PCDHGB3: variants seen among roughly 807,000 people sequenced by gnomAD.
The protein encoded by PCDHGB3 is protocadherin gamma subfamily B, 3, also known as protocadherin gamma-B3.
In PCDHGB3, 40 loss-of-function variants were observed where a neutral mutation model predicts 59.2. The ratio of observed to expected loss-of-function variants is 0.68; its 90% CI spans 0.52 to 0.88. The LOEUF is 0.88. PCDHGB3 is among the 40% of genes least tolerant of loss of function. The probability of loss-of-function intolerance (pLI) is 0.00; values close to 1 mark genes in which losing one functional copy is unlikely to be tolerated. For synonymous variants in PCDHGB3, 581 were observed against 503.6 expected, an observed-to-expected ratio of 1.15 and a Z score of -2.06; for missense variants, 1,309 against 1,187.9, an observed-to-expected ratio of 1.10 and a Z score of -1.50.
At chr5:141,446,296 G>A (rs2098497546) in intron 1 of PCDHGB3, among the ~76,000 whole-genome samples, 1 of 152,160 alleles carries the variant, frequency 6.6e-6, no homozygotes, top group Non-Finnish European at 1.5e-5. Context: ...GGGGAGCAGG[G>A]ATTAAGAGTG....
At chr5:141,403,674 T>C in intron 1 of PCDHGB3, 2 of 1,613,812 alleles carry the variant, frequency 1.2e-6, no homozygotes, top group South Asian at 2.2e-5. Flanking sequence ...AATGCCCCGG[T>C]TTTTGCTCAA....
At chr5:141,503,023 A>AAT (rs2099817696) in intron 2 of PCDHGB3, among the ~76,000 whole-genome samples, 1 of 141,888 alleles carries the variant, frequency 7.0e-6, no homozygotes, top group African/African-American at 2.6e-5. Context: ...TTTTTTTTTT[A>AAT]ATATCTATTT....
intron 1 of PCDHGB3, among the ~76,000 whole-genome samples, chr5:141,483,094 G>C (rs1304382782): frequency 6.6e-6 from 1 of 152,058 alleles, no homozygotes; most frequent in African/African-American, 2.4e-5. Context: ...CAAAAAAAAA[G>C]TGTGCGTGTA....
intron 1 of PCDHGB3, among the ~76,000 whole-genome samples, chr5:141,443,560 G>A (rs2098394386): frequency 6.6e-6 from 1 of 152,162 alleles, no homozygotes; most frequent in Non-Finnish European, 1.5e-5. Context: ...CAATTCAAAT[G>A]CTTTAAATGG....
chr5:141,497,730 G>T (rs13182286), intron 2 of PCDHGB3, among the ~76,000 whole-genome samples: 247 of 152,136 alleles, frequency 1.6e-3, no homozygotes, highest in Non-Finnish European at 2.8e-3. Flanking sequence ...AGTAGAGATG[G>T]GTTTCGCCAC....
chr5:141,454,740 G>GAGGCC (rs2098797560), intron 1 of PCDHGB3, among the ~76,000 whole-genome samples: 1 of 147,160 alleles, frequency 6.8e-6, no homozygotes, highest in Non-Finnish European at 1.5e-5. Flanking sequence ...AGGATGAAAA[G>GAGGCC]AGGCCAAACT....
At position 141,491,744 on chromosome 5, in the gene PCDHGB3, C is replaced by T; in HGVS notation, c.2416-3063C>T. 6.3e-7 allele frequency: 1 copy of T among 1,592,720 alleles called. No individual in the cohort carries two copies. Among genetic ancestry groups the T allele is most frequent in the African/African-American group, 1.3e-5 (1 of 74,122 alleles). Reference sequence around the variant, plus strand: ...CCCCGGGCGACCCCTGGGGGCGGCACTGGAGAAGCCGCCCGTCCTCATAAG... The same window carrying T: ...CCCCGGGCGACCCCTGGGGGCGGCATTGGAGAAGCCGCCCGTCCTCATAAG... On this transcript the variant is annotated intron_variant, in intron 1 of 3. Transcript: ENST00000576222. The surrounding 1 kb of genome is among the most constrained non-coding windows in gnomAD (Gnocchi z 6.9).
chr5:141,388,373 T>TA (rs1239214460), intron 1 of PCDHGB3: 2 of 1,613,980 alleles, frequency 1.2e-6, no homozygotes, highest in African/African-American at 2.7e-5. Context: ...CGGATATTGG[T>TA]AGCAACACAC....
At chr5:141,419,227 C>G in intron 1 of PCDHGB3, 1 of 1,614,024 alleles carries the variant, frequency 6.2e-7, no homozygotes, top group South Asian at 1.1e-5. Flanking sequence ...GACAGTCAGC[C>G]TACCTGGTCC....
chr5:141,482,601 A>T (rs1158399317), intron 1 of PCDHGB3, among the ~76,000 whole-genome samples: 1 of 152,002 alleles, frequency 6.6e-6, no homozygotes, highest in Non-Finnish European at 1.5e-5. Flanking sequence ...ACGGGAAAAA[A>T]CACCTAAATG....
rs534356534 is a variant in PCDHGB3 at position 141,432,344 on chromosome 5, C to G, written c.2415+59535C>G. ...CGACTACGAGCAGTTCCGAGACTTG[C>G]AAGTGAAAGTGATGGCGCGGGACAA... is the stretch of plus-strand genomic sequence containing the variant. On this transcript the variant is annotated intron_variant, in intron 1 of 3. Coordinates refer to ENST00000576222, the MANE Select transcript of PCDHGB3 (RefSeq NM_018924.5). This position sits in a 1 kb window ranked among gnomAD's most constrained non-coding sequence, Gnocchi z 6.0. 1.9e-5 allele frequency: 30 copies of G among 1,614,238 alleles called. No individual in the cohort carries two copies. In the East Asian group the frequency reaches 2.5e-4, roughly 13 times the overall value.
Position 141,447,048 on chromosome 5 carries a change from A to G in PCDHGB3, c.2416-47759A>G, listed in dbSNP as rs149112101. Among the ~76,000 whole-genome samples, 216 of 152,182 alleles carry G rather than the reference A, an allele frequency of 1.4e-3. 1 individual carries two copies. Among genetic ancestry groups the G allele is most frequent in the African/African-American group, 4.8e-3 (198 of 41,512 alleles). On this transcript the variant is annotated intron_variant, in intron 1 of 3. Transcript: ENST00000576222. ...GTTTTTTTTCTGTGTCTGGAATTCT[A>G]TTAAAATGTGTCAGGCTGTTTTAAT...
rs1161188105 is a variant in PCDHGB3, at chr5:141,427,974, G to A, written c.2415+55165G>A. 9 of 1,594,458 alleles carry A rather than the reference G, an allele frequency of 5.6e-6. No individual in the cohort carries two copies. In the Admixed American group the frequency reaches 1.5e-4, roughly 27 times the overall value. ...CAATGTGCCGCGGGTGCTGTACCCC[G>A]CGCTGGGGCCCGATGGCTCCGCACT... On this transcript the variant is annotated intron_variant, in intron 1 of 3. Transcript: ENST00000576222.
intron 1 of PCDHGB3, among the ~76,000 whole-genome samples, chr5:141,462,897 G>A (rs2099049236): frequency 6.6e-6 from 1 of 152,130 alleles, no homozygotes; most frequent in South Asian, 2.1e-4. Context: ...TGTTTTGGAA[G>A]GCTATTATGT....
chr5:141,452,652 C>T (rs1420422511), intron 1 of PCDHGB3, among the ~76,000 whole-genome samples: 1 of 151,916 alleles, frequency 6.6e-6, no homozygotes. Flanking sequence ...TCATTTGCTC[C>T]ATCCACTGCA....
At position 141,431,359 on chromosome 5, in the gene PCDHGB3, G is replaced by C; in HGVS notation, c.2415+58550G>C. ...CCGAATTGGTGCTGAAACGCGCCCT[G>C]GACCGCGAAGAAAAGGCTGCTCACC... On this transcript the variant is annotated intron_variant, in intron 1 of 3. Coordinates refer to ENST00000576222, the MANE Select transcript of PCDHGB3 (RefSeq NM_018924.5). This position sits in a 1 kb window ranked among gnomAD's most constrained non-coding sequence, Gnocchi z 4.8. The C allele has an allele frequency of 6.2e-7, 1 of 1,614,024 alleles. No homozygotes were observed. Among genetic ancestry groups the C allele is most frequent in the Non-Finnish European group, 8.5e-7 (1 of 1,180,030 alleles).
chr5:141,484,709 C>G (rs1223957454), intron 1 of PCDHGB3, among the ~76,000 whole-genome samples: 1 of 151,072 alleles, frequency 6.6e-6, no homozygotes, highest in Non-Finnish European at 1.5e-5. Context: ...TTTTCCCCGC[C>G]GAAAAGGGGC....
intron 1 of PCDHGB3, chr5:141,394,860 G>T: frequency 1.2e-6 from 2 of 1,613,792 alleles, no homozygotes; most frequent in Non-Finnish European, 1.7e-6. Context: ...GCCTTCGGTC[G>T]ACCCGAACGA....
Position 141,511,617 on chromosome 5 carries a change from C to T in PCDHGB3, c.*444C>T, listed in dbSNP as rs1562253545. The T allele has an allele frequency of 4.3e-6, 1 of 233,232 alleles. No homozygotes were observed. Among genetic ancestry groups the T allele is most frequent in the African/African-American group, 2.2e-5 (1 of 45,220 alleles). The allele number at this position is 233,232 out of a possible 1,614,324, so 14.4% of individuals were successfully genotyped here. A position where few individuals can be genotyped will look rare whatever the true frequency, so the allele number is the denominator to read the frequency against. Reference sequence around the variant, plus strand: ...CAAGTAACCTACAAGCCTCCTAGTTCTGAAAAGTTGGAAGGGCATCATGAC... The same window carrying T: ...CAAGTAACCTACAAGCCTCCTAGTTTTGAAAAGTTGGAAGGGCATCATGAC... On this transcript the variant is annotated 3_prime_UTR_variant, in exon 4 of 4. Coordinates refer to ENST00000576222, the MANE Select transcript of PCDHGB3 (RefSeq NM_018924.5).
Sources: gnomAD v4.1 joint callset for allele counts (sites outside exome capture counted in the v4.1 genomes callset) on GRCh38, gnomAD v4.1.1 for gene constraint, Gnocchi (gnomAD v3.1) non-coding constraint, MANE v1.5 for transcripts, NCBI Gene and HGNC (gene_info 2026-07-23, HGNC 2026-07-21) for gene names.